GAL3ST2: variants seen among roughly 807,000 people sequenced by gnomAD.
GAL3ST2 encodes galactose-3-O-sulfotransferase 2.
Under a neutral mutation model 12.9 loss-of-function variants are expected in GAL3ST2, and 16 were observed. The ratio of observed to expected loss-of-function variants is 1.24; its 90% confidence interval spans 0.84 to 1.88. The LOEUF is 1.88. Among genes scored for constraint, GAL3ST2 ranks in the 40% most tolerant of loss-of-function variants. The pLI is 0.00. For synonymous variants in GAL3ST2, 302 were observed against 273.9 expected (o/e 1.10, Z -1.01); for missense variants, 639 against 571.8 (o/e 1.12, Z -1.20).
intron 1 of GAL3ST2, among the ~76,000 whole-genome samples, chr2:241,798,149 C>T (rs943154857): frequency 1.3e-5 from 2 of 152,198 alleles, no homozygotes; most frequent in African/African-American, 2.4e-5. Flanking sequence ...CAGGCCTTAC[C>T]CAGATCTGCT....
intron 1 of GAL3ST2, among the ~76,000 whole-genome samples, chr2:241,784,235 G>T (rs530147776): frequency 6.6e-6 from 1 of 152,154 alleles, no homozygotes; most frequent in African/African-American, 2.4e-5. Context: ...GCATTTCACC[G>T]TGTTAGCCAG....
At position 241,801,863 on chromosome 2, in the gene GAL3ST2, C is replaced by G. The variant is rs879425652; in HGVS notation, c.202C>G (p.Leu68Val). 1 of 1,612,848 alleles carries G rather than the reference C, an allele frequency of 6.2e-7. No individual in the cohort carries two copies. Among genetic ancestry groups the G allele is most frequent in the Admixed American group, 1.7e-5 (1 of 60,004 alleles). ...KTHKTASSTV[L>V]NILYRFAETH... ...GCACAAGACGGCCAGCAGCACGGTGCTCAACATCCTCTACCGCTTCGCCGA... is the reference window on the plus strand; with the variant it reads ...GCACAAGACGGCCAGCAGCACGGTGGTCAACATCCTCTACCGCTTCGCCGA... Residue 68 changes from leucine to valine, a missense_variant, in exon 3 of 4, where the codon CTC (leucine) becomes GTC (valine). Coordinates refer to ENST00000192314, the MANE Select transcript of GAL3ST2 (RefSeq NM_022134.3). The surrounding 1 kb of genome is among the most constrained non-coding windows in gnomAD (Gnocchi z 4.4).
chr2:241,796,650 CG>C (rs893490614), intron 1 of GAL3ST2, among the ~76,000 whole-genome samples: 4 of 152,138 alleles, frequency 2.6e-5, no homozygotes, highest in Non-Finnish European at 5.9e-5. Context: ...CCCTGATGGC[CG>C]GGGGGAGCAG....
intron 1 of GAL3ST2, among the ~76,000 whole-genome samples, chr2:241,797,411 T>C (rs915256048): frequency 2.0e-5 from 3 of 152,268 alleles, no homozygotes; most frequent in South Asian, 2.1e-4. Flanking sequence ...ATTTGAACTT[T>C]AGAAGTGACT....
At position 241,795,107 on chromosome 2, in the gene GAL3ST2, A is replaced by T. The variant is rs1699755294; in HGVS notation, c.30-3958A>T. The stretch of plus-strand genomic sequence containing the variant: ...GAAACACCATCTCTCTGCTTGGTGG[A>T]ACACATCACCCATTTACTGCCCCAC... On this transcript the variant is annotated intron_variant, in intron 1 of 3. Coordinates refer to ENST00000192314, the MANE Select transcript of GAL3ST2 (RefSeq NM_022134.3). This position sits in a 1 kb window ranked among gnomAD's most constrained non-coding sequence, Gnocchi z 4.5. Among the ~76,000 whole-genome samples the T allele has an allele frequency of 6.6e-6, 1 of 151,918 alleles. No homozygotes were observed. The highest frequency in any genetic ancestry group is 2.4e-5 in the African/African-American group (1 of 41,350).
At chr2:241,782,998 G>A (rs1019965460) in intron 1 of GAL3ST2, among the ~76,000 whole-genome samples, 2 of 151,972 alleles carry the variant, frequency 1.3e-5, no homozygotes, top group African/African-American at 2.4e-5. Context: ...AATTAGCTTC[G>A]TATGGTGGTG....
rs957424649 is a variant in GAL3ST2 at position 241,795,565 on chromosome 2, C to G, written c.30-3500C>G. Among the ~76,000 whole-genome samples the G allele has an allele frequency of 3.3e-5, 5 of 152,192 alleles. No individual in the cohort carries two copies. The highest frequency in any genetic ancestry group is 5.9e-5 in the Non-Finnish European group (4 of 68,040). ...GCTGAGAAACCCTGCTGGTGAAGTC[C>G]TGCGTGGGCCTTATCAGTGAGTTAA... On this transcript the variant is annotated intron_variant, in intron 1 of 3. Transcript: ENST00000192314. The surrounding 1 kb of genome is among the most constrained non-coding windows in gnomAD (Gnocchi z 4.5).
rs1024306435 is a variant in GAL3ST2, at chr2:241,777,868, CT to C, written c.29+885del. Among the ~76,000 whole-genome samples the C allele has an allele frequency of 9.2e-5, 14 of 152,308 alleles. No individual in the cohort carries two copies. The South Asian group carries it at 1.7e-3, about 18-fold the overall frequency. On this transcript the variant is annotated intron_variant, in intron 1 of 3. Transcript: ENST00000192314. ...AGCTGGTGGCCAAGCTAGGGCCCCC[CT>C]GGCTGCCCTGGGGCCCCCCGAGGTC...
chr2:241,794,490 T>G (rs895814750), intron 1 of GAL3ST2, among the ~76,000 whole-genome samples: 18 of 152,332 alleles, frequency 1.2e-4, no homozygotes, highest in Admixed American at 1.2e-3. Flanking sequence ...TGGGGCCATT[T>G]GTCTGGGGCT....
Position 241,802,629 on chromosome 2 carries a change from C to T in GAL3ST2, c.375+593C>T, listed in dbSNP as rs992933200. Among the ~76,000 whole-genome samples the T allele has an allele frequency of 1.0e-4, 8 of 79,704 alleles. No homozygotes were observed. The highest frequency in any genetic ancestry group is 1.5e-4 in the Non-Finnish European group (6 of 39,680). 52.3% of individuals were successfully genotyped at this position (79,704 alleles called of 152,430 possible). A position where few individuals can be genotyped will look rare whatever the true frequency, so the allele number is the denominator to read the frequency against. On this transcript the variant is annotated intron_variant, in intron 3 of 3. Coordinates refer to ENST00000192314, the MANE Select transcript of GAL3ST2 (RefSeq NM_022134.3). The surrounding 1 kb of genome is among the most constrained non-coding windows in gnomAD (Gnocchi z 4.8). ...GCGGGGGTGTGCTGTGGGGTGGGGG[C>T]TGCGGGGCAGAGGGAGGAGGAGGGG...
Position 241,804,239 on chromosome 2 carries a change from A to ACGAGGCCTCCTGCGGACACCAGC in GAL3ST2, c.*73_*74insCGAGGCCTCCTGCGGACACCAGC. 7.8e-7 allele frequency: 1 copy of ACGAGGCCTCCTGCGGACACCAGC among 1,277,218 alleles called. No homozygotes were observed. Among genetic ancestry groups the ACGAGGCCTCCTGCGGACACCAGC allele is most frequent in the Non-Finnish European group, 1.0e-6 (1 of 975,344 alleles). 79.1% of individuals were successfully genotyped at this position (1,277,218 alleles called of 1,614,324 possible). A position where few individuals can be genotyped will look rare whatever the true frequency, so the allele number is the denominator to read the frequency against. On this transcript the variant is annotated 3_prime_UTR_variant, in exon 4 of 4. Transcript: ENST00000192314. ...TCCGCCGTCACCGGGGAGGCCGGGG[A>ACGAGGCCTCCTGCGGACACCAGC]TCCTTGCAGGGCTTCTGGGGCGTTG...
intron 1 of GAL3ST2, among the ~76,000 whole-genome samples, chr2:241,778,840 T>C (rs1464681588): frequency 1.3e-5 from 2 of 152,022 alleles, no homozygotes; most frequent in African/African-American, 4.8e-5. Flanking sequence ...AGACTCCAAG[T>C]GGGGAGGGGA....
intron 1 of GAL3ST2, among the ~76,000 whole-genome samples, chr2:241,794,925 A>AT (rs1186227194): frequency 1.3e-5 from 2 of 152,066 alleles, no homozygotes; most frequent in African/African-American, 2.4e-5. Flanking sequence ...TTGATTTTTT[A>AT]TTTTTTTAAC....
At chr2:241,781,566 G>T (rs1699566878) in intron 1 of GAL3ST2, among the ~76,000 whole-genome samples, 1 of 151,160 alleles carries the variant, frequency 6.6e-6, no homozygotes, top group African/African-American at 2.4e-5. Context: ...TTGTGGCACA[G>T]TATAATTTAA....
chr2:241,782,615 C>T (rs1418989573), intron 1 of GAL3ST2, among the ~76,000 whole-genome samples: 1 of 152,164 alleles, frequency 6.6e-6, no homozygotes, highest in Non-Finnish European at 1.5e-5. Context: ...TGTGTACCAC[C>T]ATGCCTGTCC....
rs1481882280 is a variant in GAL3ST2 at position 241,804,125 on chromosome 2, C to G, written c.1156C>G (p.Pro386Ala). The stretch of plus-strand genomic sequence containing the variant: ...GGCCCGCCTGTACGCCCTGCAGTTC[C>G]CGGAGAAGCCCCTCAAGAACATCCC... The part of the protein sequence containing the change: ...YMARLYALQF[P>A]EKPLKNIPFL... Residue 386 changes from proline to alanine, a missense_variant, in exon 4 of 4, where the codon CCG becomes GCG. Coordinates refer to ENST00000192314, the MANE Select transcript of GAL3ST2 (RefSeq NM_022134.3). 1 of 1,493,342 alleles carries G rather than the reference C, an allele frequency of 6.7e-7. No homozygotes were observed. The highest frequency in any genetic ancestry group is 1.3e-5 in the South Asian group (1 of 77,124). 92.5% of individuals were successfully genotyped at this position (1,493,342 alleles called of 1,614,324 possible).
chr2:241,799,293 T>C (rs1699815031), intron 2 of GAL3ST2, 139 bp downstream of exon 2: 2 of 788,004 alleles, frequency 2.5e-6, no homozygotes, highest in Admixed American at 4.1e-5. Context: ...GGGCCCTTCC[T>C]TGGGGGGACC....
At chr2:241,798,765 C>T (rs1235955650) in intron 1 of GAL3ST2, among the ~76,000 whole-genome samples, 1 of 152,144 alleles carries the variant, frequency 6.6e-6, no homozygotes, top group African/African-American at 2.4e-5. Flanking sequence ...CACCTCTGGT[C>T]CCAGGAGCGC....
chr2:241,796,358 G>T (rs1403516123), intron 1 of GAL3ST2, among the ~76,000 whole-genome samples: 1 of 152,104 alleles, frequency 6.6e-6, no homozygotes, highest in Non-Finnish European at 1.5e-5. Context: ...TGGAGACATG[G>T]TTGACTCCAG....
Sources: allele counts gnomAD v4.1 joint callset (sites outside exome capture counted in the v4.1 genomes callset), GRCh38; gene constraint gnomAD v4.1.1; non-coding constraint Gnocchi (gnomAD v3.1); transcripts MANE v1.5; gene names NCBI Gene and HGNC (gene_info 2026-07-23, HGNC 2026-07-21).